Variants in DGCR2 observed in about 807,000 individuals in gnomAD.
DGCR2 encodes the protein integral membrane protein DGCR2/IDD.
In DGCR2, 24 loss-of-function variants were observed where a neutral mutation model predicts 51.6. The ratio of observed to expected loss-of-function variants is 0.47; its 90% CI spans 0.34 to 0.65. The LOEUF (loss-of-function observed/expected upper bound fraction) is 0.65, where lower values mean the gene tolerates loss of function less well. Among genes scored for constraint, DGCR2 ranks in the 30% least tolerant of loss-of-function variants. The probability of loss-of-function intolerance (pLI) is 0.01; values close to 1 mark genes in which losing one functional copy is unlikely to be tolerated. For synonymous variants in DGCR2, 340 were observed against 315.4 expected (o/e 1.08, Z -0.82); for missense variants, 765 against 772.1 (o/e 0.99, Z 0.11).
At chr22:19,102,418 T>C (rs1049432586) in intron 1 of DGCR2, among the ~76,000 whole-genome samples, 5 of 151,912 alleles carry the variant, frequency 3.3e-5, no homozygotes, top group Non-Finnish European at 5.9e-5. Context: ...ATGGTTAAAA[T>C]GGGGCCGGGC....
At chr22:19,064,202 C>T (rs564525906) in intron 4 of DGCR2, among the ~76,000 whole-genome samples, 5 of 152,390 alleles carry the variant, frequency 3.3e-5, no homozygotes, top group South Asian at 4.1e-4. Context: ...CTATGCTGTG[C>T]AACCACAAGG....
chr22:19,112,078 G>A (rs1237310731), intron 1 of DGCR2, among the ~76,000 whole-genome samples: 1 of 151,982 alleles, frequency 6.6e-6, no homozygotes, highest in East Asian at 1.9e-4. Context: ...TTCAAGACCA[G>A]CCTGGCCATC....
At position 19,082,061 on chromosome 22, in the gene DGCR2, TTTG is replaced by T. The variant is rs1485669830; in HGVS notation, c.202+7304_202+7306del. 5.5e-4 allele frequency among the ~76,000 whole-genome samples: 75 copies of T among 135,890 alleles called. 3 individuals carry two copies. The highest frequency in any genetic ancestry group is 3.5e-3 in the South Asian group (15 of 4,252). 89.1% of individuals were successfully genotyped at this position (135,890 alleles called of 152,430 possible). A position where few individuals can be genotyped will look rare whatever the true frequency, so the allele number is the denominator to read the frequency against. ...TTTACTGGTGTTTTTTGGGGTTTTT[TTTG>T]TTTTTTTTTTTTTGAAACAGGGTCT... is the stretch of plus-strand genomic sequence containing the variant. On this transcript the variant is annotated intron_variant, in intron 2 of 9. Transcript: ENST00000263196.
chr22:19,086,450 G>A (rs2083017477), intron 2 of DGCR2, among the ~76,000 whole-genome samples: 2 of 152,208 alleles, frequency 1.3e-5, no homozygotes, highest in Admixed American at 1.3e-4. Flanking sequence ...CTGCACTCCA[G>A]CCTGGGCAAC....
Position 19,041,188 on chromosome 22 carries a change from C to A in DGCR2, c.1266G>T (p.Gly422=), listed in dbSNP as rs1404369175. Residue 422 remains glycine, a synonymous_variant, in exon 9 of 10, where the codon GGG becomes GGT. Coordinates refer to ENST00000263196, the MANE Select transcript of DGCR2 (RefSeq NM_005137.3). ...GTGGAGGGTCGTGGAAATGGAAAGT[C>A]CCACCCTCTCCGTCGTCAGAAAGAT... The part of the protein sequence containing the change: ...PLHLSDDGEG[G]TFHFHDPPPP... The A allele has an allele frequency of 1.2e-6, 2 of 1,614,062 alleles. No homozygotes were observed. Among genetic ancestry groups the A allele is most frequent in the Non-Finnish European group, 1.7e-6 (2 of 1,179,996 alleles).
chr22:19,105,231 G>A (rs2083249327), intron 1 of DGCR2, among the ~76,000 whole-genome samples: 1 of 152,158 alleles, frequency 6.6e-6, no homozygotes, highest in South Asian at 2.1e-4. Context: ...GCTGAGGTGG[G>A]GAGAATTGCT....
chr22:19,072,493 C>A (rs1274300942), intron 2 of DGCR2, among the ~76,000 whole-genome samples: 2 of 152,130 alleles, frequency 1.3e-5, no homozygotes, highest in Non-Finnish European at 2.9e-5. Flanking sequence ...AGTACAGAGA[C>A]AAAAAGTTAA....
At chr22:19,042,997 G>A (rs115734569) in intron 7 of DGCR2, among the ~76,000 whole-genome samples, 37 of 152,182 alleles carry the variant, frequency 2.4e-4, no homozygotes, top group African/African-American at 7.9e-4. Flanking sequence ...ATGCTCTCCC[G>A]GCTCAGCCAC....
intron 2 of DGCR2, among the ~76,000 whole-genome samples, chr22:19,075,040 C>T (rs2082859626): frequency 6.6e-6 from 1 of 150,942 alleles, no homozygotes; most frequent in Non-Finnish European, 1.5e-5. Flanking sequence ...AACTTCTTTG[C>T]TAATTCCCTC....
At chr22:19,090,425 C>A (rs537262569) in intron 1 of DGCR2, among the ~76,000 whole-genome samples, 67 of 152,164 alleles carry the variant, frequency 4.4e-4, no homozygotes, top group African/African-American at 1.6e-3. Flanking sequence ...TAAAAGCAGG[C>A]AGAAAAAGAA....
At position 19,122,256 on chromosome 22, in the gene DGCR2, G is replaced by T. The variant is rs778154306; in HGVS notation, c.-50C>A. The T allele has an allele frequency of 1.4e-6, 2 of 1,412,510 alleles. No homozygotes were observed. Among genetic ancestry groups the T allele is most frequent in the Non-Finnish European group, 1.9e-6 (2 of 1,056,614 alleles). The allele number at this position is 1,412,510 out of a possible 1,614,324, so 87.5% of individuals were successfully genotyped here. A position where few individuals can be genotyped will look rare whatever the true frequency, so the allele number is the denominator to read the frequency against. ...GGCGGCTGGAAGGCCGGACCAGGCC[G>T]GACTGAGGGTCAGGGGACCGTGCCA... On this transcript the variant is annotated 5_prime_UTR_variant, in exon 1 of 10. Coordinates refer to ENST00000263196, the MANE Select transcript of DGCR2 (RefSeq NM_005137.3).
chr22:19,065,593 A>T (rs1218346460), intron 3 of DGCR2, among the ~76,000 whole-genome samples: 2 of 152,188 alleles, frequency 1.3e-5, no homozygotes, highest in African/African-American at 4.8e-5. Flanking sequence ...TGCCTCCCAC[A>T]GCCGAAAAAA....
intron 1 of DGCR2, among the ~76,000 whole-genome samples, chr22:19,106,110 C>T (rs1339670853): frequency 6.6e-6 from 1 of 152,176 alleles, no homozygotes; most frequent in Admixed American, 6.5e-5. Flanking sequence ...CAGCAGGCTT[C>T]AGCTCCTGGC....
chr22:19,085,391 C>G (rs992680412), intron 2 of DGCR2, among the ~76,000 whole-genome samples: 1 of 152,174 alleles, frequency 6.6e-6, no homozygotes, highest in Non-Finnish European at 1.5e-5. Flanking sequence ...TGGGGGAAGG[C>G]AGAAGCCACT....
At chr22:19,119,177 A>G (rs2083404881) in intron 1 of DGCR2, among the ~76,000 whole-genome samples, 1 of 152,136 alleles carries the variant, frequency 6.6e-6, no homozygotes, top group Admixed American at 6.5e-5. Context: ...AGAGCATAAT[A>G]TGAGGTACTC....
At chr22:19,053,411 A>C (rs995372175) in intron 6 of DGCR2, among the ~76,000 whole-genome samples, 1 of 152,192 alleles carries the variant, frequency 6.6e-6, no homozygotes, top group African/African-American at 2.4e-5. Flanking sequence ...GACATTAAGA[A>C]AAACCCTCTG....
chr22:19,095,101 G>A (rs1028082535), intron 1 of DGCR2, among the ~76,000 whole-genome samples: 18 of 152,164 alleles, frequency 1.2e-4, no homozygotes, highest in African/African-American at 2.9e-4. Context: ...AGAGGCTCAC[G>A]CCTATAATCC....
At chr22:19,103,383 T>C (rs140332463) in intron 1 of DGCR2, among the ~76,000 whole-genome samples, 2 of 150,142 alleles carry the variant, frequency 1.3e-5, no homozygotes, top group African/African-American at 4.9e-5. Context: ...AACTGGTAAA[T>C]TGTATGTGTA....
rs1171339162 is a variant in DGCR2, at chr22:19,038,801, C to G, written c.*64G>C. The G allele has an allele frequency of 6.4e-7, 1 of 1,572,914 alleles. No homozygotes were observed. The highest frequency in any genetic ancestry group is 8.6e-7 in the Non-Finnish European group (1 of 1,156,228). Reference sequence around the variant, plus strand: ...GGGACAGGGGCCTTTCAAGTCTCCCCAGGGACCGGTGTTTTCTACAACAGA... The same window carrying G: ...GGGACAGGGGCCTTTCAAGTCTCCCGAGGGACCGGTGTTTTCTACAACAGA... On this transcript the variant is annotated 3_prime_UTR_variant, in exon 10 of 10. Transcript: ENST00000263196.
Sources: gnomAD v4.1 joint callset for allele counts (sites outside exome capture counted in the v4.1 genomes callset) on GRCh38, gnomAD v4.1.1 for gene constraint, MANE v1.5 for transcripts, NCBI Gene and HGNC (gene_info 2026-07-23, HGNC 2026-07-21) for gene names.